Variants in EPB41L3 observed in about 807,000 individuals in gnomAD.
The protein encoded by EPB41L3 is band 4.1-like protein 3.
EPB41L3 carries 57 observed loss-of-function variants against 127.1 expected under a neutral mutation model. The ratio of observed to expected loss-of-function variants is 0.45; its 90% CI spans 0.36 to 0.56. The LOEUF (loss-of-function observed/expected upper bound fraction) is 0.56, where lower values mean the gene tolerates loss of function less well. Among genes scored for constraint, EPB41L3 ranks in the 20% least tolerant of loss-of-function variants. The probability of loss-of-function intolerance (pLI) is 0.00; values close to 1 mark genes in which losing one functional copy is unlikely to be tolerated. For synonymous variants in EPB41L3, 572 were observed against 549.5 expected (o/e 1.04, Z -0.57); for missense variants, 1,273 against 1,372.2 (o/e 0.93, Z 1.14).
intron 2 of EPB41L3, among the ~76,000 whole-genome samples, chr18:5,484,086 CAAAA>C (rs57231548): frequency 1.6e-3 from 30 of 18,242 alleles, no homozygotes; most frequent in Admixed American, 2.9e-3. Flanking sequence ...CAAACAAACT[CAAAA>C]AAAAAAAAAA....
intron 1 of EPB41L3, among the ~76,000 whole-genome samples, chr18:5,527,537 T>G (rs542766138): frequency 6.6e-6 from 1 of 152,292 alleles, no homozygotes; most frequent in East Asian, 1.9e-4. Flanking sequence ...TCTATGGCAG[T>G]GAACAAAATG....
chr18:5,484,359 A>C (rs1367053737), intron 2 of EPB41L3, among the ~76,000 whole-genome samples: 1 of 151,680 alleles, frequency 6.6e-6, no homozygotes, highest in Admixed American at 6.6e-5. Context: ...CTAAGAGGGA[A>C]GTGGAGAGCA....
intron 6 of EPB41L3, among the ~76,000 whole-genome samples, chr18:5,436,553 C>T (rs1299475666): frequency 1.5e-4 from 23 of 151,896 alleles, no homozygotes; most frequent in East Asian, 3.9e-4. Flanking sequence ...GGACTTCAGG[C>T]GCCCGCCACG....
chr18:5,466,010 G>A (rs915688468), intron 3 of EPB41L3, among the ~76,000 whole-genome samples: 3 of 150,762 alleles, frequency 2.0e-5, no homozygotes, highest in African/African-American at 7.3e-5. Context: ...TCAAATATCA[G>A]TATGTAACCT....
In EPB41L3 at chr18:5,394,731, T is replaced by A. The variant is rs941242190; in HGVS notation, c.3216A>T (p.Val1072=). Residue 1072 remains valine, a synonymous_variant, in exon 22 of 23, where the codon GTA becomes GTT. Coordinates refer to ENST00000341928, the MANE Select transcript of EPB41L3 (RefSeq NM_012307.5). ...TGATCTCTGTCTCTTTATGGACCACTACTTTGGTCACTGACATGTCAGGGT... is the reference window on the plus strand; with the variant it reads ...TGATCTCTGTCTCTTTATGGACCACAACTTTGGTCACTGACATGTCAGGGT... ...EQHPDMSVTK[V]VVHKETEITP... The A allele has an allele frequency of 6.2e-7, 1 of 1,614,192 alleles. No homozygotes were observed. Among genetic ancestry groups the A allele is most frequent in the East Asian group, 2.2e-5 (1 of 44,884 alleles).
rs772570848 is a variant in EPB41L3 at position 5,415,807 on chromosome 18, G to A, written c.2067+11C>T. On this transcript the variant is annotated intron_variant, in intron 13 of 22. Coordinates refer to ENST00000341928, the MANE Select transcript of EPB41L3 (RefSeq NM_012307.5). ...ACGAAGGGGAAGCGTGTTCTATGCC[G>A]AGGTACACACCTCTTCCTCTGAACT... The A allele has an allele frequency of 3.1e-6, 5 of 1,608,042 alleles. No homozygotes were observed. The East Asian group carries it at 6.7e-5, about 22-fold the overall frequency.
chr18:5,470,048 G>A (rs967496345), intron 3 of EPB41L3, among the ~76,000 whole-genome samples: 13 of 152,110 alleles, frequency 8.5e-5, no homozygotes, highest in Non-Finnish European at 1.5e-4. Flanking sequence ...AAAGTGCTGG[G>A]ATTATAGACG....
intron 9 of EPB41L3, among the ~76,000 whole-genome samples, chr18:5,424,576 A>G (rs559823911): frequency 2.4e-4 from 37 of 152,336 alleles, no homozygotes; most frequent in Admixed American, 1.8e-3. Context: ...TTATGCATAC[A>G]GTAAAATGTC....
rs531215947 is a variant in EPB41L3, at chr18:5,601,959, GA to G, written c.-306+10380del. ...GATGACGGAGGTGATTTTTTGAAAAGAAATGAAGCTAGTATAGAGGACCTGT... is the reference window on the plus strand; with the variant it reads ...GATGACGGAGGTGATTTTTTGAAAAGAATGAAGCTAGTATAGAGGACCTGT... On this transcript the variant is annotated intron_variant, in intron 3 of 21. Transcript: ENST00000545076. Among the ~76,000 whole-genome samples the G allele has an allele frequency of 2.3e-3, 346 of 152,244 alleles. 1 individual carries two copies. The highest frequency in any genetic ancestry group is 7.4e-3 in the African/African-American group (306 of 41,568).
intron 1 of EPB41L3, among the ~76,000 whole-genome samples, chr18:5,624,831 G>A (rs1328137635): frequency 6.6e-6 from 1 of 152,174 alleles, no homozygotes; most frequent in Non-Finnish European, 1.5e-5. Context: ...GAAGTGCCAC[G>A]AGAGCAGAAG....
chr18:5,394,898 C>T, intron 21 of EPB41L3, 105 bp from the exon 22 acceptor site: 1 of 1,222,144 alleles, frequency 8.2e-7, no homozygotes, highest in Non-Finnish European at 1.2e-6. Context: ...CCACAATTTA[C>T]AAATGAGGTA....
At chr18:5,461,051 A>C (rs1052771978) in intron 3 of EPB41L3, among the ~76,000 whole-genome samples, 1 of 152,138 alleles carries the variant, frequency 6.6e-6, no homozygotes, top group African/African-American at 2.4e-5. Context: ...TATCATGAGG[A>C]ATTTGCAGTC....
chr18:5,533,308 G>A (rs1019483333), intron 1 of EPB41L3, among the ~76,000 whole-genome samples: 6 of 152,222 alleles, frequency 3.9e-5, no homozygotes, highest in Non-Finnish European at 7.4e-5. Flanking sequence ...ATTTATCTCC[G>A]GAGTCTAAGA....
chr18:5,577,343 G>A (rs1439475154), intron 3 of EPB41L3: 1 of 453,532 alleles, frequency 2.2e-6, no homozygotes, highest in Admixed American at 2.4e-5. Flanking sequence ...CAAATCCTAA[G>A]AGAGACTTTG....
intron 6 of EPB41L3, 115 bp downstream of exon 6, chr18:5,437,920 T>G (rs932522479): frequency 3.6e-6 from 3 of 842,180 alleles, no homozygotes; most frequent in African/African-American, 1.7e-5. Flanking sequence ...TTGTTTGCCA[T>G]TTGAGCGTGG....
intron 1 of EPB41L3, among the ~76,000 whole-genome samples, chr18:5,616,336 C>T (rs971971518): frequency 6.6e-6 from 1 of 152,136 alleles, no homozygotes; most frequent in African/African-American, 2.4e-5. Context: ...CTTGTGAATC[C>T]TTCCCAGTCT....
At chr18:5,578,397 T>C (rs989962951) in intron 3 of EPB41L3, among the ~76,000 whole-genome samples, 2 of 152,234 alleles carry the variant, frequency 1.3e-5, no homozygotes, top group Non-Finnish European at 2.9e-5. Flanking sequence ...CTTTAATGCA[T>C]GATGCCTCTT....
Position 5,503,775 on chromosome 18 carries a change from T to C in EPB41L3, c.-11-14581A>G, listed in dbSNP as rs190533724. 4.6e-4 allele frequency among the ~76,000 whole-genome samples: 70 copies of C among 152,360 alleles called. 2 individuals carry two copies. The Middle Eastern group carries it at 0.014, about 30-fold the overall frequency. ...CAATTTTAATGCTTTCTGTGTTTCA[T>C]AGATGGATATGCCATTTTGTTTTTC... On this transcript the variant is annotated intron_variant, in intron 1 of 22. Coordinates refer to ENST00000341928, the MANE Select transcript of EPB41L3 (RefSeq NM_012307.5).
chr18:5,413,827 G>A (rs889421416), intron 13 of EPB41L3, among the ~76,000 whole-genome samples: 1 of 152,168 alleles, frequency 6.6e-6, no homozygotes, highest in African/African-American at 2.4e-5. Context: ...GGTTTTGGAG[G>A]TTTGCAATAA....
Sources: gnomAD v4.1 joint callset for allele counts (sites outside exome capture counted in the v4.1 genomes callset) on GRCh38, gnomAD v4.1.1 for gene constraint, MANE v1.5 for transcripts, NCBI Gene and HGNC (gene_info 2026-07-23, HGNC 2026-07-21) for gene names.